The following WASF3 variants were observed in gnomAD, a reference collection of about 807,000 sequenced individuals.
The protein encoded by WASF3 is actin-binding protein WASF3.
WASF3 carries 11 observed loss-of-function variants against 46.6 expected under a neutral mutation model. The ratio of observed to expected loss-of-function variants is 0.24; its 90% CI spans 0.15 to 0.39. The LOEUF is 0.39. Among genes scored for constraint, WASF3 ranks in the 10% least tolerant of loss-of-function variants. The pLI is 1.00. For missense variants in WASF3, 576 were observed against 669.8 expected, an observed-to-expected ratio of 0.86 and a Z score of 1.55; for synonymous variants, 242 against 259.7, an observed-to-expected ratio of 0.93 and a Z score of 0.65.
At chr13:26,633,247 G>T (rs1881714136) in intron 2 of WASF3, among the ~76,000 whole-genome samples, 1 of 110,302 alleles carries the variant, frequency 9.1e-6, no homozygotes. Context: ...TTGTTGCCCA[G>T]GCTGGAGTGC....
rs1022701303 is a variant in WASF3 at position 26,667,666 on chromosome 13, T to C, written c.418T>C (p.Tyr140His). 59 of 1,613,762 alleles carry C rather than the reference T, an allele frequency of 3.7e-5. No individual in the cohort carries two copies. The highest frequency in any genetic ancestry group is 5.0e-5 in the Non-Finnish European group (59 of 1,179,944). The change falls in exon 5 of 10, where the codon TAC becomes CAC. Residue 140 changes from tyrosine (Y) to histidine (H), a missense_variant. Tyr to His is a moderately conservative substitution (Grantham distance 83, BLOSUM62 2). Transcript: ENST00000335327. ...KPPPLNILTPYRDDKKDGLKF... is the reference protein window; with the variant it reads ...KPPPLNILTPHRDDKKDGLKF... ...ACCGCCTCTGAACATCCTGACACCA[T>C]ACAGGTATAGCTTCATGAGTCCCAG...
intron 1 of WASF3, among the ~76,000 whole-genome samples, chr13:26,559,921 G>A (rs1349676620): frequency 1.4e-5 from 2 of 144,244 alleles, no homozygotes; most frequent in African/African-American, 5.1e-5. Flanking sequence ...GGGTTCAAGC[G>A]ATTCTCCTGC....
intron 5 of WASF3, 33 bp from the exon 6 acceptor site, chr13:26,671,839 T>A: frequency 6.9e-7 from 1 of 1,458,556 alleles, no homozygotes; most frequent in Non-Finnish European, 9.3e-7. Context: ...TAACAATCTT[T>A]TCTTCCCTGA....
chr13:26,559,824 T>C lies in WASF3; in HGVS notation c.-109+2005T>C, dbSNP rs76833971. Among the ~76,000 whole-genome samples, 463 of 90,236 alleles carry C rather than the reference T, an allele frequency of 5.1e-3. 1 individual carries two copies. The highest frequency in any genetic ancestry group is 7.6e-3 in the South Asian group (17 of 2,226). The allele number at this position is 90,236 out of a possible 152,430, so 59.2% of individuals were successfully genotyped here. A position where few individuals can be genotyped will look rare whatever the true frequency, so the allele number is the denominator to read the frequency against. ...TCTTTCTTTCTTTTTTTTTTTTTTT[T>C]TTTTTTTTTTGAGACGGAGTCTTGC... On this transcript the variant is annotated intron_variant, in intron 1 of 9. Transcript: ENST00000335327.
intron 1 of WASF3, among the ~76,000 whole-genome samples, chr13:26,566,353 T>C (rs996156949): frequency 1.3e-5 from 2 of 152,226 alleles, no homozygotes; most frequent in Non-Finnish European, 1.5e-5. Flanking sequence ...GATTAGCTTA[T>C]AGGAAGTGCT....
chr13:26,550,976 T>A, the WASF3 span, among the ~76,000 whole-genome samples: 1 of 152,190 alleles, frequency 6.6e-6, no homozygotes, highest in Non-Finnish European at 1.5e-5. Context: ...AAATCTGATG[T>A]TGAATTGTAA....
chr13:26,641,674 G>T (rs1277509549), intron 2 of WASF3, among the ~76,000 whole-genome samples: 1 of 152,126 alleles, frequency 6.6e-6, no homozygotes. Flanking sequence ...GTCATGATGG[G>T]TGAGGAGTCT....
chr13:26,551,996 T>C, the WASF3 span, among the ~76,000 whole-genome samples: 1 of 152,022 alleles, frequency 6.6e-6, no homozygotes, highest in Admixed American at 6.6e-5. Context: ...TCAGCTTGGG[T>C]TGTGGGAATG....
chr13:26,599,695 C>G (rs1880589945), intron 1 of WASF3, among the ~76,000 whole-genome samples: 1 of 152,208 alleles, frequency 6.6e-6, no homozygotes, highest in South Asian at 2.1e-4. Context: ...CTTTCCACCA[C>G]TTTGCCACAG....
intron 3 of WASF3, among the ~76,000 whole-genome samples, chr13:26,655,799 G>A (rs372621474): frequency 2.6e-5 from 4 of 151,976 alleles, no homozygotes; most frequent in Non-Finnish European, 5.9e-5. Context: ...TGATCCTTAC[G>A]TTTTTCCACA....
intron 1 of WASF3, among the ~76,000 whole-genome samples, chr13:26,607,728 C>T (rs1003873710): frequency 6.6e-6 from 1 of 151,988 alleles, no homozygotes; most frequent in Admixed American, 6.6e-5. Context: ...GTCAGCCTCC[C>T]GGGCTCAGGT....
rs572037047 is a variant in WASF3, at chr13:26,655,287, G to T, written c.134-9741G>T. 9.2e-5 allele frequency among the ~76,000 whole-genome samples: 14 copies of T among 152,286 alleles called. No homozygotes were observed. In the South Asian group the frequency reaches 2.9e-3, roughly 32 times the overall value. On this transcript the variant is annotated intron_variant, in intron 3 of 9. Transcript: ENST00000335327. ...AGAAGGGAAACAGCATTTATGTTATGGAATGTCCGTTGGTCTGGATTTTCT... is the reference window on the plus strand; with the variant it reads ...AGAAGGGAAACAGCATTTATGTTATTGAATGTCCGTTGGTCTGGATTTTCT...
intron 1 of WASF3, among the ~76,000 whole-genome samples, chr13:26,564,838 T>C (rs1038328739): frequency 1.3e-5 from 2 of 152,056 alleles, no homozygotes; most frequent in African/African-American, 4.8e-5. Context: ...GTCTGAGCCA[T>C]GTTGCTCTAC....
intron 6 of WASF3, 138 bp from the exon 7 acceptor site, chr13:26,676,411 T>A: frequency 1.1e-6 from 1 of 892,820 alleles, no homozygotes; most frequent in South Asian, 1.9e-5. Context: ...AGAGTTTCTG[T>A]AACATTAGGG....
At chr13:26,615,754 C>T (rs1441138044) in intron 2 of WASF3, among the ~76,000 whole-genome samples, 2 of 152,312 alleles carry the variant, frequency 1.3e-5, no homozygotes, top group South Asian at 2.1e-4. Context: ...CCGTTGTTTC[C>T]TCATGGCCCT....
At chr13:26,556,342 T>C (rs1217348588), upstream of WASF3, among the ~76,000 whole-genome samples, 1 of 152,218 alleles carries the variant, frequency 6.6e-6, no homozygotes, top group Non-Finnish European at 1.5e-5. Context: ...ATGGAAGCCA[T>C]TCCCCTGGGT....
chr13:26,608,280 C>G (rs191286054), intron 1 of WASF3, among the ~76,000 whole-genome samples: 3 of 152,154 alleles, frequency 2.0e-5, no homozygotes, highest in South Asian at 4.2e-4. Context: ...TATTATCTTA[C>G]GATTCTTGTA....
intron 3 of WASF3, among the ~76,000 whole-genome samples, chr13:26,656,844 A>G (rs565924861): frequency 2.6e-5 from 4 of 152,306 alleles, no homozygotes; most frequent in Admixed American, 1.3e-4. Context: ...TAGATTAGGT[A>G]CAGAAAAAGA....
At position 26,665,019 on chromosome 13, in the gene WASF3, A is replaced by G. The variant is rs371236026; in HGVS notation, c.134-9A>G. 1.2e-6 allele frequency: 2 copies of G among 1,613,946 alleles called. No individual in the cohort carries two copies. Among genetic ancestry groups the G allele is most frequent in the Non-Finnish European group, 1.7e-6 (2 of 1,179,882 alleles). ...ACAGATGGCCTTCTCCATTCATTTT[A>G]TTCTACAGGCAAACATGCTGAAGAC... On this transcript the variant is annotated splice_polypyrimidine_tract_variant and intron_variant, in intron 3 of 9. Transcript: ENST00000335327.
Sources: allele counts gnomAD v4.1 joint callset (sites outside exome capture counted in the v4.1 genomes callset), GRCh38; gene constraint gnomAD v4.1.1; transcripts MANE v1.5; gene names NCBI Gene and HGNC (gene_info 2026-07-23, HGNC 2026-07-21).